The following MEI4 variants were observed in gnomAD, a reference collection of about 807,000 sequenced individuals.
The protein encoded by MEI4 is meiotic double-stranded break formation protein 4.
MEI4 carries 27 observed loss-of-function variants against 31.4 expected under a neutral mutation model. The ratio of observed to expected loss-of-function variants is 0.86; its 90% CI spans 0.63 to 1.19. MEI4 has a LOEUF of 1.19. MEI4 is among the 50% of genes most tolerant of loss of function. The pLI is 0.00. For synonymous variants in MEI4, 122 were observed against 145.4 expected (o/e 0.84, Z 1.16); for missense variants, 329 against 398.9 (o/e 0.82, Z 1.49).
At chr6:77,657,771 C>T (rs994458134) in intron 1 of MEI4, among the ~76,000 whole-genome samples, 1 of 152,166 alleles carries the variant, frequency 6.6e-6, no homozygotes, top group Admixed American at 6.5e-5. Flanking sequence ...CTTCCATGAA[C>T]ACCTATGCCA....
At chr6:77,697,990 T>C (rs1303223262) in intron 2 of MEI4, among the ~76,000 whole-genome samples, 1 of 152,224 alleles carries the variant, frequency 6.6e-6, no homozygotes, top group Non-Finnish European at 1.5e-5. Flanking sequence ...TTAGCTCTTC[T>C]TGTTGAATTG....
At chr6:77,793,113 T>C (rs1198205400) in intron 3 of MEI4, among the ~76,000 whole-genome samples, 1 of 152,142 alleles carries the variant, frequency 6.6e-6, no homozygotes, top group Non-Finnish European at 1.5e-5. Context: ...TTTTTTTTTC[T>C]GAGCTTGCTA....
At chr6:77,759,814 C>T (rs1022232520) in intron 2 of MEI4, among the ~76,000 whole-genome samples, 8 of 152,014 alleles carry the variant, frequency 5.3e-5, no homozygotes, top group East Asian at 1.9e-4. Context: ...TTATTATGTT[C>T]GCCTCAAATA....
intron 3 of MEI4, among the ~76,000 whole-genome samples, chr6:77,816,689 C>A (rs536982149): frequency 3.3e-5 from 5 of 152,038 alleles, no homozygotes; most frequent in African/African-American, 7.2e-5. Context: ...TGGTATTTCT[C>A]GTTCTAGATC....
chr6:77,836,115 A>T (rs956732192), intron 4 of MEI4, among the ~76,000 whole-genome samples: 2 of 152,044 alleles, frequency 1.3e-5, no homozygotes, highest in African/African-American at 4.8e-5. Flanking sequence ...TGTTTTTTGC[A>T]TTGTAAATAT....
Position 77,880,648 on chromosome 6 carries a change from C to G in MEI4, c.901-42441C>G, listed in dbSNP as rs867964328. 2.6e-5 allele frequency among the ~76,000 whole-genome samples: 4 copies of G among 152,022 alleles called. No individual in the cohort carries two copies. The Middle Eastern group carries it at 0.01, about 388-fold the overall frequency. On this transcript the variant is annotated intron_variant, in intron 4 of 4. Coordinates refer to ENST00000684080, the MANE Select transcript of MEI4 (RefSeq NM_001322247.2). The stretch of plus-strand genomic sequence containing the variant: ...CTGAAAGAATCTGGGAAGAACGTAC[C>G]CAAGCGTTCTTGACCTCTTAAGTGA...
chr6:77,864,106 G>A (rs1770950061), intron 4 of MEI4, among the ~76,000 whole-genome samples: 3 of 152,162 alleles, frequency 2.0e-5, no homozygotes, highest in South Asian at 4.1e-4. Context: ...GGAACAATCG[G>A]TACCAGCCAC....
chr6:77,772,041 G>A (rs1262790973), intron 3 of MEI4, among the ~76,000 whole-genome samples: 1 of 151,684 alleles, frequency 6.6e-6, no homozygotes, highest in Admixed American at 6.6e-5. Flanking sequence ...TAACATTAAA[G>A]TGAAATAAAA....
At chr6:77,681,390 T>C (rs2127649246) in intron 1 of MEI4, among the ~76,000 whole-genome samples, 1 of 152,320 alleles carries the variant, frequency 6.6e-6, no homozygotes, top group Non-Finnish European at 1.5e-5. Context: ...TCAATTTCAG[T>C]GTGTAAAATA....
chr6:77,855,427 T>C (rs1263459080), intron 4 of MEI4, among the ~76,000 whole-genome samples: 1 of 152,170 alleles, frequency 6.6e-6, no homozygotes, highest in Non-Finnish European at 1.5e-5. Context: ...GAACTGAGGT[T>C]CAAAGAAGAT....
chr6:77,676,624 G>A (rs2127647502), intron 1 of MEI4, among the ~76,000 whole-genome samples: 2 of 152,282 alleles, frequency 1.3e-5, no homozygotes, highest in East Asian at 1.9e-4. Context: ...GATATGGGTG[G>A]TTGGTGACTT....
chr6:77,751,553 G>T (rs1017217156), intron 2 of MEI4, among the ~76,000 whole-genome samples: 2 of 151,826 alleles, frequency 1.3e-5, no homozygotes, highest in African/African-American at 2.4e-5. Context: ...ACACCCTCCC[G>T]AGACTAAACC....
intron 2 of MEI4, among the ~76,000 whole-genome samples, chr6:77,709,214 G>C (rs1201560188): frequency 6.6e-6 from 1 of 152,126 alleles, no homozygotes; most frequent in Non-Finnish European, 1.5e-5. Context: ...ACAAGAAAAA[G>C]ATTGCATCCA....
At chr6:77,781,186 C>T (rs1195975930) in intron 3 of MEI4, among the ~76,000 whole-genome samples, 1 of 152,096 alleles carries the variant, frequency 6.6e-6, no homozygotes, top group Non-Finnish European at 1.5e-5. Flanking sequence ...GTTTAAGCTA[C>T]CATATCTGGC....
chr6:77,853,826 A>T (rs1431794817), intron 4 of MEI4, among the ~76,000 whole-genome samples: 1 of 152,194 alleles, frequency 6.6e-6, no homozygotes, highest in Non-Finnish European at 1.5e-5. Flanking sequence ...AACGTTAGAG[A>T]TCTGTTTTTG....
intron 3 of MEI4, among the ~76,000 whole-genome samples, chr6:77,796,317 G>A (rs1378033339): frequency 6.6e-6 from 1 of 152,100 alleles, no homozygotes; most frequent in East Asian, 1.9e-4. Flanking sequence ...AGAACAGGGT[G>A]CCCACTCAGA....
intron 1 of MEI4, among the ~76,000 whole-genome samples, chr6:77,670,075 C>T (rs771636511): frequency 2.0e-4 from 30 of 152,120 alleles, no homozygotes; most frequent in African/African-American, 6.0e-4. Flanking sequence ...TTAATACCTT[C>T]GCAAGACAGA....
At chr6:77,739,475 G>T (rs1457279038) in intron 2 of MEI4, among the ~76,000 whole-genome samples, 3 of 152,094 alleles carry the variant, frequency 2.0e-5, no homozygotes, top group African/African-American at 7.2e-5. Context: ...ATACAGAACA[G>T]AAAACCAAGC....
At chr6:77,784,746 C>T (rs1184933455) in intron 3 of MEI4, among the ~76,000 whole-genome samples, 1 of 152,040 alleles carries the variant, frequency 6.6e-6, no homozygotes, top group Non-Finnish European at 1.5e-5. Flanking sequence ...AATTGACTTG[C>T]CCGGAGTTGG....
Sources: allele counts gnomAD v4.1 joint callset (sites outside exome capture counted in the v4.1 genomes callset), GRCh38; gene constraint gnomAD v4.1.1; transcripts MANE v1.5; gene names NCBI Gene and HGNC (gene_info 2026-07-23, HGNC 2026-07-21).